The following NCAM2 variants were observed in gnomAD, a reference collection of about 807,000 sequenced individuals.
NCAM2 encodes neural cell adhesion molecule 2.
NCAM2 carries 30 observed loss-of-function variants against 98.1 expected under a neutral mutation model. The observed-to-expected ratio is 0.31, with a 90% confidence interval of 0.23 to 0.41. NCAM2 has a LOEUF of 0.41. Among genes scored for constraint, NCAM2 ranks in the 10% least tolerant of loss-of-function variants. The pLI is 1.00. For synonymous variants in NCAM2, 368 were observed against 342.4 expected (o/e 1.07, Z -0.83); for missense variants, 867 against 1,005.8 (o/e 0.86, Z 1.87).
At chr21:21,080,030 T>A (rs1308991451) in intron 1 of NCAM2, among the ~76,000 whole-genome samples, 2 of 152,206 alleles carry the variant, frequency 1.3e-5, no homozygotes, top group Non-Finnish European at 2.9e-5. Flanking sequence ...TATTATGAAC[T>A]TAAAATTTTG....
At chr21:21,491,177 T>G (rs1986816379) in intron 15 of NCAM2, among the ~76,000 whole-genome samples, 1 of 151,856 alleles carries the variant, frequency 6.6e-6, no homozygotes, top group South Asian at 2.1e-4. Flanking sequence ...ATTGTAAAAA[T>G]AATTTCGTGA....
chr21:21,153,750 A>T (rs559357397), intron 1 of NCAM2, among the ~76,000 whole-genome samples: 2 of 152,020 alleles, frequency 1.3e-5, no homozygotes, highest in African/African-American at 4.8e-5. Context: ...GTATTGAATG[A>T]TGGAGCTATG....
intron 5 of NCAM2, among the ~76,000 whole-genome samples, chr21:21,294,661 G>A (rs1354336767): frequency 6.6e-6 from 1 of 151,834 alleles, no homozygotes; most frequent in African/African-American, 2.4e-5. Context: ...TCCGTCTGGA[G>A]GATGCAGTTG....
At chr21:21,264,961 G>GTGTATGTGTA (rs1568854824) in intron 1 of NCAM2, among the ~76,000 whole-genome samples, 13,265 of 27,988 alleles carry the variant, frequency 0.47, 1,851 homozygotes, top group Middle Eastern at 0.54. Context: ...ATGTGTATGT[G>GTGTATGTGTA]TATATATACA....
At chr21:21,200,409 G>GA (rs34019227) in intron 1 of NCAM2, among the ~76,000 whole-genome samples, 65,203 of 134,572 alleles carry the variant, frequency 0.48, 16,324 homozygotes, top group South Asian at 0.61. Flanking sequence ...CCCCATGCCT[G>GA]AAAAAAAAAA....
At chr21:21,371,862 C>T (rs542063224) in intron 8 of NCAM2, among the ~76,000 whole-genome samples, 11 of 138,326 alleles carry the variant, frequency 8.0e-5, no homozygotes, top group South Asian at 2.3e-4. Flanking sequence ...AATAAATGCG[C>T]GTGCACACAC....
intron 1 of NCAM2, among the ~76,000 whole-genome samples, chr21:21,241,802 G>T (rs1261813529): frequency 6.6e-6 from 1 of 151,746 alleles, no homozygotes; most frequent in African/African-American, 2.4e-5. Context: ...AGAACATTTT[G>T]GTTTTGATCG....
rs1383002682 is a variant in NCAM2, at chr21:21,466,829, G to A, written c.1774+104G>A. ...AGATGTTTCAACACTTTTGAGACAT[G>A]AATTATGTCTTTGGTGAAGTGGTTT... On this transcript the variant is annotated intron_variant, in intron 13 of 17. Coordinates refer to ENST00000400546, the MANE Select transcript of NCAM2 (RefSeq NM_004540.5). 5 of 1,144,852 alleles carry A rather than the reference G, an allele frequency of 4.4e-6. No individual in the cohort carries two copies. The Admixed American group carries it at 1.1e-4, about 26-fold the overall frequency. The allele number at this position is 1,144,852 out of a possible 1,614,324, so 70.9% of individuals were successfully genotyped here.
At chr21:21,136,666 C>T (rs1705431358) in intron 1 of NCAM2, among the ~76,000 whole-genome samples, 2 of 139,318 alleles carry the variant, frequency 1.4e-5, no homozygotes, top group Non-Finnish European at 3.1e-5. Context: ...TGGGGTTTCA[C>T]CGTTCTGCCC....
intron 1 of NCAM2, among the ~76,000 whole-genome samples, chr21:21,003,911 T>C (rs531701031): frequency 1.6e-4 from 24 of 152,160 alleles, no homozygotes; most frequent in Non-Finnish European, 3.1e-4. Context: ...CACATATTTA[T>C]TTTTACAATT....
At chr21:21,267,409 A>C (rs1335386415) in intron 1 of NCAM2, among the ~76,000 whole-genome samples, 1 of 152,132 alleles carries the variant, frequency 6.6e-6, no homozygotes, top group Non-Finnish European at 1.5e-5. Context: ...GAGTATTTGA[A>C]TATTTGAGTA....
intron 9 of NCAM2, among the ~76,000 whole-genome samples, chr21:21,403,291 T>C (rs2076670716): frequency 6.6e-6 from 1 of 152,172 alleles, no homozygotes; most frequent in African/African-American, 2.4e-5. Flanking sequence ...TTCTCTGGGT[T>C]GCAGTTATAT....
chr21:21,542,049 G>A lies in NCAM2; in HGVS notation c.*4092G>A, dbSNP rs922897129. On this transcript the variant is annotated 3_prime_UTR_variant, in exon 18 of 18. Coordinates refer to ENST00000400546, the MANE Select transcript of NCAM2 (RefSeq NM_004540.5). ...AGGCTAAAATTAAATTATGGATGTCGCAGAAATGAAATACTTCATCTTAGA... is the reference window on the plus strand; with the variant it reads ...AGGCTAAAATTAAATTATGGATGTCACAGAAATGAAATACTTCATCTTAGA... The A allele has an allele frequency of 1.2e-4, 18 of 151,770 alleles. No homozygotes were observed. Among genetic ancestry groups the A allele is most frequent in the African/African-American group, 1.4e-4 (6 of 41,398 alleles). 9.4% of individuals were successfully genotyped at this position (151,770 alleles called of 1,614,324 possible).
At chr21:21,322,877 T>A (rs1253749683) in intron 5 of NCAM2, among the ~76,000 whole-genome samples, 1 of 152,166 alleles carries the variant, frequency 6.6e-6, no homozygotes, top group Non-Finnish European at 1.5e-5. Flanking sequence ...TCAGGAGAAT[T>A]ATAACTTGAA....
chr21:21,512,641 T>C (rs1988461220), intron 16 of NCAM2, among the ~76,000 whole-genome samples: 1 of 152,084 alleles, frequency 6.6e-6, no homozygotes, highest in Non-Finnish European at 1.5e-5. Flanking sequence ...ATTGGCATTT[T>C]GATAAGAATT....
At chr21:21,159,665 A>G (rs192518489) in intron 1 of NCAM2, among the ~76,000 whole-genome samples, 1 of 152,216 alleles carries the variant, frequency 6.6e-6, no homozygotes, top group East Asian at 1.9e-4. Context: ...GGTTTGTGTA[A>G]GTCCACTCTG....
Position 21,170,836 on chromosome 21 carries a change from G to T in NCAM2, c.56-109742G>T, listed in dbSNP as rs182777385. On this transcript the variant is annotated intron_variant, in intron 1 of 17. Transcript: ENST00000400546. The stretch of plus-strand genomic sequence containing the variant: ...ACTGTGGCATAGGGTGTTCCTAGAG[G>T]GGGGAAGGCTGTGCTTGGTGTGGGG... Among the ~76,000 whole-genome samples, 607 of 63,214 alleles carry T rather than the reference G, an allele frequency of 9.6e-3. 8 individuals are homozygous for T. The highest frequency in any genetic ancestry group is 0.024 in the African/African-American group (583 of 24,120). 41.5% of individuals were successfully genotyped at this position (63,214 alleles called of 152,430 possible). A position where few individuals can be genotyped will look rare whatever the true frequency, so the allele number is the denominator to read the frequency against.
chr21:21,145,359 T>C (rs1222350675), intron 1 of NCAM2, among the ~76,000 whole-genome samples: 2 of 141,028 alleles, frequency 1.4e-5, no homozygotes, highest in Non-Finnish European at 3.1e-5. Flanking sequence ...CTTAGATGTT[T>C]TAAAATTGAA....
chr21:21,091,202 G>A (rs941099934), intron 1 of NCAM2, among the ~76,000 whole-genome samples: 4 of 152,044 alleles, frequency 2.6e-5, no homozygotes, highest in African/African-American at 9.7e-5. Context: ...TGAGGTTTTT[G>A]TTTGTTTTTA....
Sources: allele counts gnomAD v4.1 joint callset (sites outside exome capture counted in the v4.1 genomes callset), GRCh38; gene constraint gnomAD v4.1.1; transcripts MANE v1.5; gene names NCBI Gene and HGNC (gene_info 2026-07-23, HGNC 2026-07-21).